Variants in POLN observed in about 807,000 individuals in gnomAD.
POLN encodes the protein DNA polymerase N.
POLN carries 108 observed loss-of-function variants against 113.5 expected under a neutral mutation model. The observed-to-expected ratio is 0.95, with a 90% CI of 0.81 to 1.12. The LOEUF (loss-of-function observed/expected upper bound fraction) is 1.12, where lower values mean the gene tolerates loss of function less well. Among genes scored for constraint, POLN ranks in the 50% most tolerant of loss-of-function variants. The pLI is 0.00. For missense variants in POLN, 1,097 were observed against 1,077.1 expected (o/e 1.02, Z -0.26); for synonymous variants, 386 against 391.5 (o/e 0.99, Z 0.17).
intron 19 of POLN, among the ~76,000 whole-genome samples, chr4:2,106,066 A>G (rs1376814908): frequency 6.6e-6 from 1 of 152,108 alleles, no homozygotes; most frequent in East Asian, 1.9e-4. Flanking sequence ...TTTTCTAGCA[A>G]AAATGATCTC....
intron 25 of POLN, 79 bp from the exon 26 acceptor site, chr4:2,072,378 CAG>C: frequency 8.1e-7 from 1 of 1,236,818 alleles, no homozygotes; most frequent in Non-Finnish European, 1.1e-6. Flanking sequence ...AGCAGGGGGA[CAG>C]GGCCTACAGC....
intron 19 of POLN, among the ~76,000 whole-genome samples, chr4:2,121,205 C>T (rs979707702): frequency 6.6e-6 from 1 of 151,944 alleles, no homozygotes; most frequent in Non-Finnish European, 1.5e-5. Flanking sequence ...GAGGCGGAGG[C>T]AGGTGGATTG....
chr4:2,121,965 C>A (rs868114694), intron 19 of POLN, among the ~76,000 whole-genome samples: 4 of 151,968 alleles, frequency 2.6e-5, no homozygotes, highest in South Asian at 2.1e-4. Flanking sequence ...GTAAGCATTT[C>A]GTGCTATACT....
intron 13 of POLN, among the ~76,000 whole-genome samples, chr4:2,162,131 G>C (rs1732611464): frequency 3.3e-5 from 5 of 152,074 alleles, no homozygotes; most frequent in Admixed American, 3.3e-4. Context: ...TCCACACTGT[G>C]GAAGCTTTGT....
At chr4:2,174,096 C>T in intron 10 of POLN, 77 bp from the exon 11 acceptor site, 2 of 1,360,484 alleles carry the variant, frequency 1.5e-6, no homozygotes, top group South Asian at 1.2e-5. Flanking sequence ...GCTTCGCTCC[C>T]TGATGAGGAC....
At chr4:2,137,513 C>A (rs1731886249) in intron 16 of POLN, among the ~76,000 whole-genome samples, 1 of 152,172 alleles carries the variant, frequency 6.6e-6, no homozygotes, top group African/African-American at 2.4e-5. Context: ...GCTCGTGGAG[C>A]CTGACCTGCA....
chr4:2,126,701 C>T lies in POLN; in HGVS notation c.1982+1412G>A, dbSNP rs933251657. On this transcript the variant is annotated intron_variant, in intron 19 of 25. Transcript: ENST00000511885. This position sits in a 1 kb window ranked among gnomAD's most constrained non-coding sequence, Gnocchi z 4.6. ...TCAGGGGAGGGCCCTGAGGAGACGC[C>T]GGGAGGGCCCACTTGGATGAGGTAG... 2.0e-5 allele frequency among the ~76,000 whole-genome samples: 3 copies of T among 151,948 alleles called. No homozygotes were observed. Among genetic ancestry groups the T allele is most frequent in the African/African-American group, 7.3e-5 (3 of 41,370 alleles).
chr4:2,073,887 C>T (rs994312519), intron 24 of POLN, among the ~76,000 whole-genome samples: 1 of 152,216 alleles, frequency 6.6e-6, no homozygotes, highest in South Asian at 2.1e-4. Context: ...CCCTCAATGT[C>T]TTCTGTGCAG....
intron 20 of POLN, among the ~76,000 whole-genome samples, chr4:2,088,180 C>G (rs1315545415): frequency 1.3e-5 from 2 of 152,078 alleles, no homozygotes; most frequent in African/African-American, 4.8e-5. Context: ...CCACAGTACT[C>G]TCAAAGGTCA....
At chr4:2,178,729 A>G (rs1733056182) in intron 8 of POLN, among the ~76,000 whole-genome samples, 1 of 151,864 alleles carries the variant, frequency 6.6e-6, no homozygotes, top group African/African-American at 2.4e-5. Flanking sequence ...CTCCTGCCTC[A>G]GCCTCCTGAG....
chr4:2,095,052 G>A (rs952478442), intron 20 of POLN, among the ~76,000 whole-genome samples: 1 of 152,122 alleles, frequency 6.6e-6, no homozygotes, highest in Non-Finnish European at 1.5e-5. Flanking sequence ...ACTAGGCCAT[G>A]CTGATTCAGC....
intron 13 of POLN, among the ~76,000 whole-genome samples, chr4:2,161,715 G>A (rs1358440951): frequency 2.6e-5 from 4 of 152,250 alleles, no homozygotes; most frequent in Non-Finnish European, 4.4e-5. Flanking sequence ...TCCGCTGGGT[G>A]AAGCCAGCTG....
chr4:2,236,434 C>T (rs1417250387), intron 2 of POLN: 1 of 1,611,786 alleles, frequency 6.2e-7, no homozygotes, highest in Non-Finnish European at 8.5e-7. Context: ...TTCTTATTCT[C>T]TCCCTCCAAA....
Position 2,093,226 on chromosome 4 carries a change from C to T in POLN, c.2065+2625G>A, listed in dbSNP as rs1055740029. Among the ~76,000 whole-genome samples the T allele has an allele frequency of 2.0e-5, 3 of 152,252 alleles. No homozygotes were observed. The highest frequency in any genetic ancestry group is 2.9e-5 in the Non-Finnish European group (2 of 68,044). ...CCCCACGGCAGGTGCTCGGCACTCT[C>T]ATTCTCCATCCCTCCCTCCTAGCTG... is the stretch of plus-strand genomic sequence containing the variant. On this transcript the variant is annotated intron_variant, in intron 20 of 25. Coordinates refer to ENST00000511885, the MANE Select transcript of POLN (RefSeq NM_181808.4). The surrounding 1 kb of genome is among the most constrained non-coding windows in gnomAD (Gnocchi z 4.1).
intron 7 of POLN, among the ~76,000 whole-genome samples, chr4:2,183,306 C>T (rs7684627): frequency 0.25 from 37,351 of 151,940 alleles, 7,063 homozygotes; most frequent in African/African-American, 0.51. Context: ...TCTAGATATA[C>T]ACGCAAGCAA....
intron 19 of POLN, among the ~76,000 whole-genome samples, chr4:2,108,253 A>T (rs554586063): frequency 6.6e-6 from 1 of 152,176 alleles, no homozygotes; most frequent in Non-Finnish European, 1.5e-5. Flanking sequence ...ATCAGACTGT[A>T]TGGGTAAGGA....
At chr4:2,124,127 A>G (rs947904474) in intron 19 of POLN, among the ~76,000 whole-genome samples, 4 of 152,174 alleles carry the variant, frequency 2.6e-5, no homozygotes, top group African/African-American at 9.7e-5. Context: ...CATTAATGTG[A>G]AGTGTCCAGA....
chr4:2,238,760 T>C (rs976197356), intron 2 of POLN: 4 of 1,613,730 alleles, frequency 2.5e-6, no homozygotes, highest in East Asian at 4.5e-5. Context: ...TATGTCCCGA[T>C]GCTTTCTTAA....
intron 13 of POLN, among the ~76,000 whole-genome samples, chr4:2,166,736 C>T (rs1732738042): frequency 6.6e-6 from 1 of 152,152 alleles, no homozygotes; most frequent in Non-Finnish European, 1.5e-5. Context: ...CGTGTTTGGA[C>T]TCTAGTACAC....
Sources: allele counts gnomAD v4.1 joint callset (sites outside exome capture counted in the v4.1 genomes callset), GRCh38; gene constraint gnomAD v4.1.1; non-coding constraint Gnocchi (gnomAD v3.1); transcripts MANE v1.5; gene names NCBI Gene and HGNC (gene_info 2026-07-23, HGNC 2026-07-21).